TNIK: variants seen among roughly 807,000 people sequenced by gnomAD.
The protein encoded by TNIK is TRAF2 and NCK-interacting protein kinase.
Under a neutral mutation model 191.3 loss-of-function variants are expected in TNIK, and 49 were observed. That is an observed-to-expected ratio of 0.26 (90% CI 0.20 to 0.32). The LOEUF (loss-of-function observed/expected upper bound fraction) is 0.32. Ranked by LOEUF, TNIK falls within the 10% of genes least tolerant of loss-of-function variation. The pLI is 1.00. For synonymous variants in TNIK, 594 were observed against 600.9 expected (o/e 0.99, Z 0.17); for missense variants, 1,155 against 1,702.3 (o/e 0.68, Z 5.66).
intron 2 of TNIK, among the ~76,000 whole-genome samples, chr3:171,362,355 T>C (rs910671259): frequency 6.6e-6 from 1 of 152,196 alleles, no homozygotes; most frequent in African/African-American, 2.4e-5. Context: ...TGGTATTAGG[T>C]TGGTGCAAAA....
chr3:171,275,394 G>A (rs1749605392), intron 2 of TNIK, among the ~76,000 whole-genome samples: 1 of 151,558 alleles, frequency 6.6e-6, no homozygotes, highest in Non-Finnish European at 1.5e-5. Context: ...ACATAAGACA[G>A]GCAATAGAAA....
At chr3:171,409,151 T>C (rs1231063172) in intron 1 of TNIK, among the ~76,000 whole-genome samples, 1 of 152,176 alleles carries the variant, frequency 6.6e-6, no homozygotes, top group African/African-American at 2.4e-5. Flanking sequence ...AAAACCAGAA[T>C]TGGAAATGCT....
At chr3:171,177,126 T>C (rs576642508) in intron 8 of TNIK, among the ~76,000 whole-genome samples, 200 bp downstream of exon 8, 2 of 150,400 alleles carry the variant, frequency 1.3e-5, no homozygotes, top group South Asian at 2.1e-4. Context: ...TTTTTTCTAA[T>C]AAAAACAGGA....
At chr3:171,070,694 T>TA (rs201500415) in intron 29 of TNIK, among the ~76,000 whole-genome samples, 1,888 of 151,974 alleles carry the variant, frequency 0.012, 31 homozygotes, top group African/African-American at 0.043. Context: ...TTAGACAAGG[T>TA]AAAAAAATGA....
intron 7 of TNIK, among the ~76,000 whole-genome samples, chr3:171,186,250 A>G (rs758475865): frequency 1.4e-4 from 21 of 152,248 alleles, no homozygotes; most frequent in Non-Finnish European, 2.6e-4. Context: ...TGGTGCCAAG[A>G]AAGAAGTAGT....
At chr3:171,098,023 A>G (rs574678826) in intron 22 of TNIK, among the ~76,000 whole-genome samples, 1 of 152,364 alleles carries the variant, frequency 6.6e-6, no homozygotes, top group East Asian at 1.9e-4. Context: ...AGAATTCTAA[A>G]TAAATTATGT....
chr3:171,194,582 T>G lies in TNIK; in HGVS notation c.360A>C (p.Thr120=). 1 of 1,613,984 alleles carries G rather than the reference T, an allele frequency of 6.2e-7. No individual in the cohort carries two copies. Among genetic ancestry groups the G allele is most frequent in the Non-Finnish European group, 8.5e-7 (1 of 1,179,876 alleles). ...ACTCCTCTTTCAACGTGTTACCTTT[T>G]GTGTTCTTGATCAGGTCGGTGACAG... ...AGSVTDLIKN[T]KGNTLKEEWI... The change falls in exon 5 of 33, where the codon ACA becomes ACC. Residue 120 remains threonine (T), a synonymous_variant. Coordinates refer to ENST00000436636, the MANE Select transcript of TNIK (RefSeq NM_015028.4).
chr3:171,437,171 T>C (rs1466532201), intron 1 of TNIK, among the ~76,000 whole-genome samples: 3 of 152,226 alleles, frequency 2.0e-5, no homozygotes, highest in African/African-American at 4.8e-5. Flanking sequence ...ATTGCAGTCA[T>C]ATCAGCTGAT....
intron 1 of TNIK, among the ~76,000 whole-genome samples, chr3:171,443,159 G>A (rs535421500): frequency 6.6e-6 from 1 of 152,282 alleles, no homozygotes; most frequent in East Asian, 1.9e-4. Context: ...AGAAGCAGAG[G>A]CCTTTTAGGA....
rs569552373 is a variant in TNIK at position 171,210,998 on chromosome 3, T to C, written c.306+118A>G. ...TGAAAACAATATGTTACGGACATCA[T>C]GGGGGCTAATGGTTAAAGAAGGAGT... On this transcript the variant is annotated intron_variant, in intron 4 of 32. Transcript: ENST00000436636. 34 of 1,278,854 alleles carry C rather than the reference T, an allele frequency of 2.7e-5. No homozygotes were observed. The African/African-American group carries it at 4.1e-4, about 15-fold the overall frequency. The allele number at this position is 1,278,854 out of a possible 1,614,324, so 79.2% of individuals were successfully genotyped here. A position where few individuals can be genotyped will look rare whatever the true frequency, so the allele number is the denominator to read the frequency against.
intron 2 of TNIK, among the ~76,000 whole-genome samples, chr3:171,299,200 G>T (rs1752633759): frequency 6.6e-6 from 1 of 152,118 alleles, no homozygotes; most frequent in African/African-American, 2.4e-5. Flanking sequence ...TCCCCTTAGG[G>T]CACAGCCGCA....
Position 171,298,548 on chromosome 3 carries a change from T to C in TNIK, c.124-70327A>G, listed in dbSNP as rs570707575. Among the ~76,000 whole-genome samples, 7 of 152,288 alleles carry C rather than the reference T, an allele frequency of 4.6e-5. No individual in the cohort carries two copies. The East Asian group carries it at 1.2e-3, about 25-fold the overall frequency. ...TTTGTGTCCCTTTTAGGCCAAAGTG[T>C]AAAAGAGCTGGCACATGATCTTCTG... On this transcript the variant is annotated intron_variant, in intron 2 of 32. Transcript: ENST00000436636.
At chr3:171,171,694 G>C (rs747556800) in intron 9 of TNIK, among the ~76,000 whole-genome samples, 1 of 152,176 alleles carries the variant, frequency 6.6e-6, no homozygotes, top group Non-Finnish European at 1.5e-5. Context: ...GTGACACTGA[G>C]TATACTTGCG....
intron 2 of TNIK, among the ~76,000 whole-genome samples, chr3:171,331,826 G>T (rs1016877983): frequency 6.6e-6 from 1 of 151,888 alleles, no homozygotes; most frequent in Non-Finnish European, 1.5e-5. Flanking sequence ...TTCTTTGAAC[G>T]CCTCTTTTAC....
At chr3:171,313,900 A>G (rs901432466) in intron 2 of TNIK, among the ~76,000 whole-genome samples, 5 of 152,184 alleles carry the variant, frequency 3.3e-5, no homozygotes, top group Non-Finnish European at 7.4e-5. Flanking sequence ...GCACGGTATG[A>G]CATCATCTGA....
At chr3:171,309,767 T>C (rs1282946550) in intron 2 of TNIK, among the ~76,000 whole-genome samples, 1 of 152,136 alleles carries the variant, frequency 6.6e-6, no homozygotes, top group African/African-American at 2.4e-5. Context: ...ATAATAACTT[T>C]GCAATGTGGT....
At chr3:171,173,542 C>T (rs1274654432) in intron 9 of TNIK, among the ~76,000 whole-genome samples, 1 of 152,192 alleles carries the variant, frequency 6.6e-6, no homozygotes, top group Non-Finnish European at 1.5e-5. Flanking sequence ...AGCATCTTTG[C>T]AGGCAGTTCA....
In TNIK at chr3:171,332,500, T is replaced by C. The variant is rs35422711; in HGVS notation, c.123+37120A>G. Among the ~76,000 whole-genome samples, 662 of 152,202 alleles carry C rather than the reference T, an allele frequency of 4.3e-3. 7 individuals are homozygous for C. The highest frequency in any genetic ancestry group is 0.024 in the South Asian group (116 of 4,820). On this transcript the variant is annotated intron_variant, in intron 2 of 32. Coordinates refer to ENST00000436636, the MANE Select transcript of TNIK (RefSeq NM_015028.4). ...GCAGTGCCACCATTTATGACAACCT[T>C]CCAAAATGGCCGGAACGCTGCCAGC...
chr3:171,222,615 A>T (rs906236673), intron 3 of TNIK, among the ~76,000 whole-genome samples: 4 of 152,118 alleles, frequency 2.6e-5, no homozygotes, highest in African/African-American at 9.7e-5. Flanking sequence ...AGATGAAAAG[A>T]TTTTTCTTTT....
Sources: allele counts gnomAD v4.1 joint callset (sites outside exome capture counted in the v4.1 genomes callset), GRCh38; gene constraint gnomAD v4.1.1; transcripts MANE v1.5; gene names NCBI Gene and HGNC (gene_info 2026-07-23, HGNC 2026-07-21).